Variants in CSMD3 observed in about 807,000 individuals in gnomAD.
CSMD3 encodes the protein CUB and Sushi multiple domains 3.
In CSMD3, 177 loss-of-function variants were observed where a neutral mutation model predicts 435.2. The ratio of observed to expected loss-of-function variants is 0.41; its 90% CI spans 0.36 to 0.46. The LOEUF (loss-of-function observed/expected upper bound fraction) is 0.46. Ranked by LOEUF, CSMD3 falls within the 20% of genes least tolerant of loss-of-function variation. CSMD3 has a pLI of 0.34. For missense variants in CSMD3, 4,265 were observed against 4,504.6 expected, an observed-to-expected ratio of 0.95 and a Z score of 1.52; for synonymous variants, 1,656 against 1,520.5, an observed-to-expected ratio of 1.09 and a Z score of -2.07.
intron 9 of CSMD3, among the ~76,000 whole-genome samples, chr8:112,933,124 A>AT (rs957864797): frequency 9.2e-5 from 14 of 151,810 alleles, no homozygotes; most frequent in South Asian, 6.3e-4. Context: ...GACCTCTGAG[A>AT]TTTTTTTTTC....
At chr8:112,628,362 T>C (rs1244725267) in intron 22 of CSMD3, among the ~76,000 whole-genome samples, 1 of 151,112 alleles carries the variant, frequency 6.6e-6, no homozygotes, top group Non-Finnish European at 1.5e-5. Context: ...TTCTTCTTAG[T>C]AGTCTTTTCA....
intron 31 of CSMD3, among the ~76,000 whole-genome samples, chr8:112,482,589 G>A (rs1819735941): frequency 6.6e-6 from 1 of 152,080 alleles, no homozygotes; most frequent in Non-Finnish European, 1.5e-5. Flanking sequence ...AAACTGTATG[G>A]GAAGATAATT....
intron 1 of CSMD3, among the ~76,000 whole-genome samples, chr8:113,357,341 T>C (rs150292533): frequency 9.7e-4 from 147 of 152,272 alleles, no homozygotes; most frequent in Admixed American, 2.2e-3. Context: ...CCCAATCACA[T>C]TGAGAAAATA....
intron 13 of CSMD3, among the ~76,000 whole-genome samples, chr8:112,769,617 T>C (rs1163083586): frequency 6.6e-6 from 1 of 152,056 alleles, no homozygotes; most frequent in African/African-American, 2.4e-5. Flanking sequence ...TCACTGGACA[T>C]AATTGGCTAA....
intron 32 of CSMD3, among the ~76,000 whole-genome samples, chr8:112,443,295 G>T (rs1459060628): frequency 6.6e-6 from 1 of 152,126 alleles, no homozygotes; most frequent in Non-Finnish European, 1.5e-5. Context: ...GTAGCAAACG[G>T]TTATTTTGAA....
intron 13 of CSMD3, among the ~76,000 whole-genome samples, chr8:112,728,229 T>G (rs2077005159): frequency 6.6e-6 from 1 of 151,786 alleles, no homozygotes; most frequent in African/African-American, 2.4e-5. Context: ...TCAAGTAAAT[T>G]TATTTAGATG....
chr8:112,629,198 T>G (rs1231854821), intron 22 of CSMD3, among the ~76,000 whole-genome samples: 1 of 151,086 alleles, frequency 6.6e-6, no homozygotes, highest in African/African-American at 2.4e-5. Context: ...TCACTGCGAT[T>G]TTATTATTAT....
chr8:112,528,042 T>C (rs1825151120), intron 27 of CSMD3, among the ~76,000 whole-genome samples: 1 of 152,156 alleles, frequency 6.6e-6, no homozygotes, highest in Non-Finnish European at 1.5e-5. Context: ...CATATTTGTG[T>C]CTTCTGGTTT....
intron 3 of CSMD3, among the ~76,000 whole-genome samples, chr8:113,177,497 C>T (rs781471951): frequency 2.0e-5 from 3 of 151,808 alleles, no homozygotes; most frequent in Non-Finnish European, 4.4e-5. Flanking sequence ...GTGACTAACA[C>T]AAAATAATTA....
At chr8:112,508,644 C>CT (rs770196750) in intron 28 of CSMD3, among the ~76,000 whole-genome samples, 9 of 151,988 alleles carry the variant, frequency 5.9e-5, no homozygotes, top group Non-Finnish European at 1.0e-4. Flanking sequence ...TTTGTTTAGC[C>CT]TTCTCTAAAA....
chr8:113,362,639 C>T (rs887513818), intron 1 of CSMD3, among the ~76,000 whole-genome samples: 7 of 152,140 alleles, frequency 4.6e-5, no homozygotes, highest in Admixed American at 1.3e-4. Flanking sequence ...CCACCCTGTT[C>T]CCTTTTCTCA....
At chr8:112,341,302 T>TA (rs1300467320) in intron 42 of CSMD3, among the ~76,000 whole-genome samples, 175 bp downstream of exon 42, 1 of 151,928 alleles carries the variant, frequency 6.6e-6, no homozygotes, top group Admixed American at 6.6e-5. Flanking sequence ...TCTCCCTGTG[T>TA]AGTTCCCAGA....
At chr8:112,629,505 T>C (rs1428145752) in intron 22 of CSMD3, among the ~76,000 whole-genome samples, 1 of 152,212 alleles carries the variant, frequency 6.6e-6, no homozygotes, top group African/African-American at 2.4e-5. Context: ...TTGCATGCAC[T>C]AGACCTCAAT....
At chr8:113,253,772 G>A (rs920204806) in intron 3 of CSMD3, among the ~76,000 whole-genome samples, 1 of 151,774 alleles carries the variant, frequency 6.6e-6, no homozygotes, top group Non-Finnish European at 1.5e-5. Flanking sequence ...TAGGGAGTTG[G>A]AGGTTGCAGT....
chr8:112,769,739 T>C (rs998655655), intron 13 of CSMD3, among the ~76,000 whole-genome samples: 8 of 151,984 alleles, frequency 5.3e-5, no homozygotes, highest in African/African-American at 1.9e-4. Context: ...TGAGAGTACA[T>C]AAAAGATTTT....
intron 17 of CSMD3, among the ~76,000 whole-genome samples, chr8:112,662,934 T>C (rs959741427): frequency 6.6e-6 from 1 of 152,108 alleles, no homozygotes; most frequent in African/African-American, 2.4e-5. Flanking sequence ...ATGCTCATCA[T>C]CACTGGCCAT....
chr8:112,774,111 T>C (rs189929590), intron 13 of CSMD3, among the ~76,000 whole-genome samples: 260 of 152,134 alleles, frequency 1.7e-3, no homozygotes, highest in African/African-American at 6.1e-3. Context: ...TAAATTTATC[T>C]GCATCAAATT....
At chr8:112,241,903 C>A (rs1814205578) in intron 65 of CSMD3, 118 bp from the exon 66 acceptor site, 3 of 775,190 alleles carry the variant, frequency 3.9e-6, no homozygotes, top group Middle Eastern at 2.9e-4. Context: ...TATTCTCTGA[C>A]ATTTCACATA....
chr8:113,044,917 T>G lies in CSMD3; in HGVS notation c.918-25738A>C, dbSNP rs2087766992. On this transcript the variant is annotated intron_variant, in intron 5 of 70. Transcript: ENST00000297405. ...TGTTGTAATAATTTTGATTATATAT[T>G]TTGAGGACTTGCCCAACTGACTTGA... Among the ~76,000 whole-genome samples the G allele has an allele frequency of 1.3e-5, 2 of 149,100 alleles. 1 individual carries two copies. The highest frequency in any genetic ancestry group is 3.0e-5 in the Non-Finnish European group (2 of 66,238).
Sources: allele counts gnomAD v4.1 joint callset (sites outside exome capture counted in the v4.1 genomes callset), GRCh38; gene constraint gnomAD v4.1.1; transcripts MANE v1.5; gene names NCBI Gene and HGNC (gene_info 2026-07-23, HGNC 2026-07-21).